NSMF: variants seen among roughly 807,000 people sequenced by gnomAD.
The protein encoded by NSMF is NMDA receptor synaptonuclear signaling and neuronal migration factor.
A neutral mutation model predicts 71.0 loss-of-function variants in NSMF; 31 were observed. The observed-to-expected ratio is 0.44, with a 90% CI of 0.33 to 0.59. The LOEUF is 0.59. Among genes scored for constraint, NSMF ranks in the 20% least tolerant of loss-of-function variants. The pLI, the probability that NSMF is intolerant of heterozygous loss-of-function variation, is 0.04. For synonymous variants in NSMF, 345 were observed against 287.1 expected (o/e 1.20, Z -2.04); for missense variants, 673 against 740.5 (o/e 0.91, Z 1.06).
chr9:137,459,107 G>A lies in NSMF; in HGVS notation c.-5C>T. ...CCTGGAGGCGGCGGCGCCCATGGTC[G>A]AGGCGGCGGCGCATCCCCCGGGCCT... On this transcript the variant is annotated 5_prime_UTR_variant, in exon 1 of 16. Coordinates refer to ENST00000371475, the MANE Select transcript of NSMF (RefSeq NM_001130969.3). 3 of 1,234,084 alleles carry A rather than the reference G, an allele frequency of 2.4e-6. No individual in the cohort carries two copies. Among genetic ancestry groups the A allele is most frequent in the East Asian group, 6.7e-5 (2 of 29,828 alleles). 76.4% of individuals were successfully genotyped at this position (1,234,084 alleles called of 1,614,324 possible). A position where few individuals can be genotyped will look rare whatever the true frequency, so the allele number is the denominator to read the frequency against.
Position 137,457,857 on chromosome 9 carries a change from C to A in NSMF, c.178G>T (p.Glu60Ter), listed in dbSNP as rs1303535593. The part of the protein sequence containing the change: ...DAYSGHDGSP[E>*]MQPAPQNKRR... ...TTGTTCTGGGGGGCCGGCTGCATCT[C>A]GGGGGACCCGTCGTGGCCAGAGTAG... Residue 60 changes from glutamate to a stop codon, truncating the protein, a stop_gained, in exon 3 of 16, where the codon GAG becomes TAG. Coordinates refer to ENST00000371475, the MANE Select transcript of NSMF (RefSeq NM_001130969.3). LOFTEE classifies it high-confidence loss of function. 6.4e-7 allele frequency: 1 copy of A among 1,551,584 alleles called. No individual in the cohort carries two copies. The highest frequency in any genetic ancestry group is 8.7e-7 in the Non-Finnish European group (1 of 1,149,248).
chr9:137,453,595 C>G lies in NSMF; in HGVS notation c.922+136G>C. The G allele has an allele frequency of 1.5e-6, 1 of 683,944 alleles. No individual in the cohort carries two copies. The highest frequency in any genetic ancestry group is 1.9e-5 in the South Asian group (1 of 52,514). The allele number at this position is 683,944 out of a possible 1,614,324, so 42.4% of individuals were successfully genotyped here. On this transcript the variant is annotated intron_variant, in intron 8 of 15. Coordinates refer to ENST00000371475, the MANE Select transcript of NSMF (RefSeq NM_001130969.3). This position sits in a 1 kb window ranked among gnomAD's most constrained non-coding sequence, Gnocchi z 4.5. ...CGATCGGAGATGCTGAGGGCGTCCC[C>G]ATCTCACAAACAGGTAAACCAAGAT...
Position 137,455,395 on chromosome 9 carries a change from G to C in NSMF, c.711-88C>G, listed in dbSNP as rs970727882. ...GACAGTGGTGCGAGCAGAGGGCCCAGCAGGGCGTCTGGGGCACGGGGCCCG... is the reference window on the plus strand; with the variant it reads ...GACAGTGGTGCGAGCAGAGGGCCCACCAGGGCGTCTGGGGCACGGGGCCCG... On this transcript the variant is annotated intron_variant, in intron 5 of 15. Transcript: ENST00000371475. The C allele has an allele frequency of 8.1e-6, 12 of 1,472,504 alleles. No individual in the cohort carries two copies. In the African/African-American group the frequency reaches 1.2e-4, roughly 15 times the overall value. The allele number at this position is 1,472,504 out of a possible 1,614,324, so 91.2% of individuals were successfully genotyped here. A position where few individuals can be genotyped will look rare whatever the true frequency, so the allele number is the denominator to read the frequency against.
chr9:137,453,907 T>C lies in NSMF; in HGVS notation c.833-87A>G, dbSNP rs1337285250. The C allele has an allele frequency of 4.3e-6, 5 of 1,150,958 alleles. No homozygotes were observed. Among genetic ancestry groups the C allele is most frequent in the Non-Finnish European group, 6.2e-6 (5 of 801,702 alleles). The allele number at this position is 1,150,958 out of a possible 1,614,324, so 71.3% of individuals were successfully genotyped here. Reference sequence around the variant, plus strand: ...CCAGGCGAGGGGACCACAGGGGCCCTGGGCAGAGGAGGAAGCTAATGTGGG... The same window carrying C: ...CCAGGCGAGGGGACCACAGGGGCCCCGGGCAGAGGAGGAAGCTAATGTGGG... On this transcript the variant is annotated intron_variant, in intron 7 of 15. Transcript: ENST00000371475. The surrounding 1 kb of genome is among the most constrained non-coding windows in gnomAD (Gnocchi z 4.5).
intron 4 of NSMF, 77 bp downstream of exon 4, chr9:137,456,334 T>A: frequency 8.3e-7 from 1 of 1,203,932 alleles, no homozygotes. Context: ...GCCCAGAGAC[T>A]GGGAAAAAGT....
chr9:137,449,736 A>G lies in NSMF; in HGVS notation c.1420-62T>C, dbSNP rs1039588698. ...AGATGGGGAAGGAGGAGCGGGGAGG[A>G]GATGGGGAGCAGGGCCCACCCTCTT... On this transcript the variant is annotated intron_variant, in intron 14 of 15. Transcript: ENST00000371475. The G allele has an allele frequency of 2.6e-5, 38 of 1,487,226 alleles. No individual in the cohort carries two copies. The South Asian group carries it at 4.3e-4, about 17-fold the overall frequency. 92.1% of individuals were successfully genotyped at this position (1,487,226 alleles called of 1,614,324 possible).
At chr9:137,452,258 C>T (rs1333215634) in intron 12 of NSMF, 107 bp downstream of exon 12, 4 of 1,084,418 alleles carry the variant, frequency 3.7e-6, no homozygotes, top group Non-Finnish European at 5.5e-6. Flanking sequence ...GGTCTCCCCA[C>T]CCCAACCTCT....
chr9:137,458,378 C>G, intron 2 of NSMF, 110 bp downstream of exon 2: 2 of 997,260 alleles, frequency 2.0e-6, no homozygotes, highest in Non-Finnish European at 1.5e-6. Flanking sequence ...GGCAGGGCGC[C>G]GGGCCCACGC....
Position 137,453,872 on chromosome 9 carries a change from G to A in NSMF, c.833-52C>T. 1 of 1,478,724 alleles carries A rather than the reference G, an allele frequency of 6.8e-7. No homozygotes were observed. The highest frequency in any genetic ancestry group is 9.1e-7 in the Non-Finnish European group (1 of 1,094,016). 91.6% of individuals were successfully genotyped at this position (1,478,724 alleles called of 1,614,324 possible). On this transcript the variant is annotated intron_variant, in intron 7 of 15. Coordinates refer to ENST00000371475, the MANE Select transcript of NSMF (RefSeq NM_001130969.3). The surrounding 1 kb of genome is among the most constrained non-coding windows in gnomAD (Gnocchi z 4.5). The stretch of plus-strand genomic sequence containing the variant: ...GAGCGGGTGGGGCGGGGCCTCGGGA[G>A]TCTCAGACCCCAGGCGAGGGGACCA...
In NSMF at chr9:137,449,390, C is replaced by T. The variant is rs1839783956; in HGVS notation, c.*4G>A. On this transcript the variant is annotated 3_prime_UTR_variant, in exon 16 of 16. Transcript: ENST00000371475. ...GATGGTGACTGGGCGGAGGCCTCTGCCCCTCACAGGACGTCGTCAAAGTCC... is the reference window on the plus strand; with the variant it reads ...GATGGTGACTGGGCGGAGGCCTCTGTCCCTCACAGGACGTCGTCAAAGTCC... 7 of 1,611,556 alleles carry T rather than the reference C, an allele frequency of 4.3e-6. No individual in the cohort carries two copies. Among genetic ancestry groups the T allele is most frequent in the Non-Finnish European group, 5.1e-6 (6 of 1,178,888 alleles).
In NSMF at chr9:137,449,336, C is replaced by T. The variant is rs535634121; in HGVS notation, c.*58G>A. 82 of 1,468,358 alleles carry T rather than the reference C, an allele frequency of 5.6e-5. No homozygotes were observed. In the African/African-American group the frequency reaches 8.9e-4, roughly 16 times the overall value. The allele number at this position is 1,468,358 out of a possible 1,614,324, so 91.0% of individuals were successfully genotyped here. Reference sequence around the variant, plus strand: ...CCCGGGGAGCACGAGGCGGCCCAGCCCCAGGTCCCGGTGCAGAGGGAGTGG... The same window carrying T: ...CCCGGGGAGCACGAGGCGGCCCAGCTCCAGGTCCCGGTGCAGAGGGAGTGG... On this transcript the variant is annotated 3_prime_UTR_variant, in exon 16 of 16. Transcript: ENST00000371475.
chr9:137,450,930 A>C (rs1326348143), intron 12 of NSMF, among the ~76,000 whole-genome samples: 1 of 7,228 alleles, frequency 1.4e-4, no homozygotes. Flanking sequence ...CTCCCCCTCC[A>C]CACGCCTCTT....
At position 137,457,772 on chromosome 9, in the gene NSMF, C is replaced by G. The variant is rs1171305753; in HGVS notation, c.263G>C (p.Ser88Thr). Residue 88 changes from serine (S) to threonine (T), a missense_variant, in exon 3 of 16, where the codon AGC becomes ACC. Physicochemically the swap from Ser to Thr is moderately conservative, Grantham distance 58 (BLOSUM62 1). Around this residue, in one of 2 missense-constraint regions of NSMF, gnomAD observed 471 missense variants for 459.6 expected, o/e 1.02. Transcript: ENST00000371475. ...GCCCTCGCCTGCGGGCTTCCTAATGCTGGGCTCCTCTGAGAGGCTGCCCTC... is the reference window on the plus strand; with the variant it reads ...GCCCTCGCCTGCGGGCTTCCTAATGGTGGGCTCCTCTGAGAGGCTGCCCTC... ...CYEGSLSEEP[S>T]IRKPAGEGPQ... The G allele has an allele frequency of 6.4e-7, 1 of 1,559,926 alleles. No individual in the cohort carries two copies. Among genetic ancestry groups the G allele is most frequent in the East Asian group, 2.4e-5 (1 of 42,236 alleles).
Position 137,448,741 on chromosome 9 carries a change from G to C in NSMF, c.*653C>G, listed in dbSNP as rs921851563. The C allele has an allele frequency of 1.3e-5, 2 of 155,754 alleles. No homozygotes were observed. The highest frequency in any genetic ancestry group is 4.8e-5 in the African/African-American group (2 of 41,476). The allele number at this position is 155,754 out of a possible 1,614,324, so 9.6% of individuals were successfully genotyped here. ...GCCCCTACCGGGTCCGGCGCCGGCT[G>C]AGGTCTAAGTAAGCAGGGATGGGGG... On this transcript the variant is annotated 3_prime_UTR_variant, in exon 16 of 16. Transcript: ENST00000371475. The surrounding 1 kb of genome is among the most constrained non-coding windows in gnomAD (Gnocchi z 5.3).
intron 2 of NSMF, 123 bp downstream of exon 2, chr9:137,458,365 G>A: frequency 7.9e-6 from 7 of 890,972 alleles, no homozygotes; most frequent in Non-Finnish European, 1.2e-5. Flanking sequence ...AGGAAGCCAG[G>A]CCGGCAGGGC....
At chr9:137,458,895 G>T in intron 1 of NSMF, 137 bp downstream of exon 1, 1 of 669,948 alleles carries the variant, frequency 1.5e-6, no homozygotes, top group Non-Finnish European at 2.3e-6. Context: ...GAAGAGGGAG[G>T]CGCGGGGCGC....
At chr9:137,450,299 C>A (rs763416354) in intron 12 of NSMF, 44 bp from the exon 13 acceptor site, 6 of 1,509,258 alleles carry the variant, frequency 4.0e-6, no homozygotes, top group East Asian at 2.3e-5. Flanking sequence ...CTTCCTCCCC[C>A]TCTCCGACAC....
chr9:137,455,708 C>A, intron 4 of NSMF, 74 bp from the exon 5 acceptor site: 1 of 1,489,918 alleles, frequency 6.7e-7, no homozygotes, highest in Non-Finnish European at 9.2e-7. Context: ...CCCCTCAGCC[C>A]CCACCCGGTC....
chr9:137,454,736 C>A (rs1318409975), intron 6 of NSMF: 3 of 1,476,486 alleles, frequency 2.0e-6, no homozygotes, highest in South Asian at 1.2e-5. Context: ...CGTCCTCGCC[C>A]GGGACTTACG....
Sources: gnomAD v4.1 joint callset for allele counts (sites outside exome capture counted in the v4.1 genomes callset) on GRCh38, gnomAD v4.1.1 for gene constraint, gnomAD v4.1.1 regional missense constraint, Gnocchi (gnomAD v3.1) non-coding constraint, MANE v1.5 for transcripts, NCBI Gene and HGNC (gene_info 2026-07-23, HGNC 2026-07-21) for gene names.